PTPRM: variants seen among roughly 807,000 people sequenced by gnomAD.
PTPRM encodes the protein receptor-type tyrosine-protein phosphatase mu.
PTPRM carries 47 observed loss-of-function variants against 186.7 expected under a neutral mutation model. That is an observed-to-expected ratio of 0.25 (90% CI 0.20 to 0.32). The LOEUF is 0.32. Ranked by LOEUF, PTPRM falls within the 10% of genes least tolerant of loss-of-function variation. The probability of loss-of-function intolerance (pLI) is 1.00; values close to 1 mark genes in which losing one functional copy is unlikely to be tolerated. For missense variants in PTPRM, 1,494 were observed against 1,865.0 expected, an observed-to-expected ratio of 0.80 and a Z score of 3.66; for synonymous variants, 668 against 674.9, an observed-to-expected ratio of 0.99 and a Z score of 0.16.
intron 13 of PTPRM, among the ~76,000 whole-genome samples, chr18:8,141,786 A>G (rs1277201399): frequency 6.6e-6 from 1 of 152,202 alleles, no homozygotes; most frequent in Non-Finnish European, 1.5e-5. Context: ...CAGTATGTCA[A>G]CATTTGGAAG....
intron 1 of PTPRM, among the ~76,000 whole-genome samples, chr18:7,631,779 A>G (rs1053532399): frequency 5.3e-5 from 8 of 152,132 alleles, no homozygotes; most frequent in African/African-American, 1.2e-4. Context: ...GATACAGACT[A>G]TTTCCCAGAT....
intron 31 of PTPRM, among the ~76,000 whole-genome samples, chr18:8,392,035 A>G (rs2095815961): frequency 6.6e-6 from 1 of 152,240 alleles, no homozygotes; most frequent in East Asian, 1.9e-4. Flanking sequence ...CAGGACACAG[A>G]TGAACTTGTT....
chr18:7,606,672 TTA>T (rs1167584203), intron 1 of PTPRM, among the ~76,000 whole-genome samples: 18 of 152,136 alleles, frequency 1.2e-4, no homozygotes, highest in Admixed American at 1.2e-3. Context: ...CGAGGTGGTT[TTA>T]TGTTATTTGG....
At chr18:8,088,381 A>G (rs1460195018) in intron 10 of PTPRM, among the ~76,000 whole-genome samples, 1 of 152,226 alleles carries the variant, frequency 6.6e-6, no homozygotes, top group Non-Finnish European at 1.5e-5. Flanking sequence ...TAAACAGTTT[A>G]TTTGAGAATT....
At chr18:7,811,531 T>C (rs569509831) in intron 2 of PTPRM, among the ~76,000 whole-genome samples, 4 of 152,174 alleles carry the variant, frequency 2.6e-5, no homozygotes, top group Non-Finnish European at 4.4e-5. Flanking sequence ...TTCATTTTTT[T>C]ATTTTTTTAT....
At chr18:8,384,834 T>C (rs528341239) in intron 30 of PTPRM, 148 bp downstream of exon 30, 2 of 985,510 alleles carry the variant, frequency 2.0e-6, no homozygotes, top group East Asian at 2.5e-5. Flanking sequence ...CCTGACCTTA[T>C]GGAGCTTACA....
chr18:7,830,183 G>A (rs960694109), intron 2 of PTPRM, among the ~76,000 whole-genome samples: 1 of 151,874 alleles, frequency 6.6e-6, no homozygotes, highest in East Asian at 1.9e-4. Flanking sequence ...TTTCCTGTGG[G>A]CCCTTCCCCT....
chr18:8,272,907 T>G (rs2094790098), intron 19 of PTPRM, among the ~76,000 whole-genome samples: 1 of 152,168 alleles, frequency 6.6e-6, no homozygotes, highest in African/African-American at 2.4e-5. Context: ...AATACAAGTT[T>G]AGAATTGCTA....
rs143691047 is a variant in PTPRM, at chr18:7,693,223, G to T, written c.74-80926G>T. On this transcript the variant is annotated intron_variant, in intron 1 of 32. Transcript: ENST00000580170. Reference sequence around the variant, plus strand: ...ATGTGTTTTTATACAAAGATTAACGGGTGACATTGGAGGGGTACTACTTGA... The same window carrying T: ...ATGTGTTTTTATACAAAGATTAACGTGTGACATTGGAGGGGTACTACTTGA... 4.9e-3 allele frequency among the ~76,000 whole-genome samples: 749 copies of T among 152,216 alleles called. 5 individuals carry two copies. The highest frequency in any genetic ancestry group is 8.2e-3 in the Non-Finnish European group (556 of 68,018).
rs144288346 is a variant in PTPRM, at chr18:8,356,592, C to T, written c.3054+13072C>T. On this transcript the variant is annotated intron_variant, in intron 23 of 32. Coordinates refer to ENST00000580170, the MANE Select transcript of PTPRM (RefSeq NM_001105244.2). ...CAAGGCCATGGGCTGAGAAGCTGGA[C>T]GAAAAGGGAAGTAGCTATTTTAGGG... 8.3e-4 allele frequency among the ~76,000 whole-genome samples: 127 copies of T among 152,108 alleles called. 1 individual carries two copies. Among genetic ancestry groups the T allele is most frequent in the African/African-American group, 2.6e-3 (106 of 41,474 alleles).
chr18:8,224,458 G>A (rs1236727077), intron 14 of PTPRM, among the ~76,000 whole-genome samples: 2 of 152,140 alleles, frequency 1.3e-5, no homozygotes, highest in Non-Finnish European at 2.9e-5. Flanking sequence ...GCTTCATATG[G>A]CGTGTGCATC....
chr18:7,834,778 C>T (rs1218509409), intron 2 of PTPRM, among the ~76,000 whole-genome samples: 1 of 151,852 alleles, frequency 6.6e-6, no homozygotes, highest in Non-Finnish European at 1.5e-5. Flanking sequence ...ATTACAACTT[C>T]AATCCCATTA....
chr18:8,206,527 C>T (rs1055173540), intron 14 of PTPRM, among the ~76,000 whole-genome samples: 1 of 152,092 alleles, frequency 6.6e-6, no homozygotes, highest in Admixed American at 6.5e-5. Flanking sequence ...GGATTACAGT[C>T]GTGAACCACC....
At chr18:7,761,033 A>C (rs1414553481) in intron 1 of PTPRM, among the ~76,000 whole-genome samples, 2 of 152,218 alleles carry the variant, frequency 1.3e-5, no homozygotes, top group African/African-American at 4.8e-5. Context: ...TGGAATATTG[A>C]GTAAACACTC....
intron 8 of PTPRM, among the ~76,000 whole-genome samples, chr18:8,074,130 TCTCAAAAAA>T (rs1378710788): frequency 6.6e-6 from 1 of 152,126 alleles, no homozygotes; most frequent in African/African-American, 2.4e-5. Context: ...TAGCCTCTAA[TCTCAAAAAA>T]ATAGGCATAC....
intron 19 of PTPRM, among the ~76,000 whole-genome samples, chr18:8,268,143 G>A (rs763598680): frequency 6.6e-6 from 1 of 152,130 alleles, no homozygotes; most frequent in Non-Finnish European, 1.5e-5. Flanking sequence ...GTTTGAAATT[G>A]CATGGGATGC....
intron 1 of PTPRM, among the ~76,000 whole-genome samples, chr18:7,752,350 TTC>T (rs2041257071): frequency 6.6e-6 from 1 of 152,172 alleles, no homozygotes; most frequent in African/African-American, 2.4e-5. Context: ...CTCGAATATA[TTC>T]TTTTTTTAAA....
At chr18:7,845,224 T>C (rs1375923231) in intron 2 of PTPRM, among the ~76,000 whole-genome samples, 1 of 152,206 alleles carries the variant, frequency 6.6e-6, no homozygotes, top group Middle Eastern at 3.2e-3. Context: ...AGAAAAAGTA[T>C]GCATTCCAAA....
At chr18:8,172,725 T>C (rs1462519200) in intron 14 of PTPRM, among the ~76,000 whole-genome samples, 1 of 151,810 alleles carries the variant, frequency 6.6e-6, no homozygotes, top group Middle Eastern at 3.2e-3. Context: ...AAAAAACTTC[T>C]GCTTAACCTC....
Sources: allele counts gnomAD v4.1 joint callset (sites outside exome capture counted in the v4.1 genomes callset), GRCh38; gene constraint gnomAD v4.1.1; transcripts MANE v1.5; gene names NCBI Gene and HGNC (gene_info 2026-07-23, HGNC 2026-07-21).